The following IL1RAPL2 variants were observed in gnomAD, a reference collection of about 807,000 sequenced individuals.
IL1RAPL2 encodes X-linked interleukin-1 receptor accessory protein-like 2.
In IL1RAPL2, 3 loss-of-function variants were observed where a neutral mutation model predicts 44.1. That is an observed-to-expected ratio of 0.07 (90% CI 0.03 to 0.18). IL1RAPL2 has a LOEUF of 0.18. Among genes scored for constraint, IL1RAPL2 ranks in the 10% least tolerant of loss-of-function variants. The pLI, the probability that IL1RAPL2 is intolerant of heterozygous loss-of-function variation, is 1.00. For missense variants in IL1RAPL2, 391 were observed against 496.4 expected, an observed-to-expected ratio of 0.79 and a Z score of 2.02; for synonymous variants, 181 against 178.8, an observed-to-expected ratio of 1.01 and a Z score of -0.10.
chrX:105,486,734 A>ATATCTATCTATCTATC (rs34493388), intron 6 of IL1RAPL2, among the ~76,000 whole-genome samples: 6,697 of 103,827 alleles, frequency 0.065, 630 homozygotes, highest in African/African-American at 0.23. Context: ...CTATATATCT[A>ATATCTATCTATCTATC]TATCTATCTA....
At chrX:105,746,963 A>G (rs2038548353) in intron 8 of IL1RAPL2, among the ~76,000 whole-genome samples, 1 of 111,928 alleles carries the variant, frequency 8.9e-6, no homozygotes, top group South Asian at 3.7e-4. Flanking sequence ...TCAGAGTAAC[A>G]AAGAAAACTG....
At chrX:105,512,293 G>C (rs1037375364) in intron 6 of IL1RAPL2, among the ~76,000 whole-genome samples, 9 of 111,669 alleles carry the variant, frequency 8.1e-5, no homozygotes, top group Admixed American at 2.9e-4. Flanking sequence ...GGTGAATTCT[G>C]TTCCAACAGA....
rs1183126616 is a variant in IL1RAPL2, at chrX:105,713,261, C to T, written c.773-4106C>T. ...ATCAGGGCTCTGACCCCACATTTCC[C>T]TTCCACACTGCTCTAACAGAGGTTC... On this transcript the variant is annotated intron_variant, in intron 6 of 10. Coordinates refer to ENST00000372582, the MANE Select transcript of IL1RAPL2 (RefSeq NM_017416.2). Among the ~76,000 whole-genome samples the T allele has an allele frequency of 2.7e-5, 3 of 111,787 alleles. No individual in the cohort carries two copies. In the Admixed American group the frequency reaches 2.8e-4, roughly 11 times the overall value.
At chrX:104,900,683 T>G (rs1022834154) in intron 2 of IL1RAPL2, among the ~76,000 whole-genome samples, 5 of 112,256 alleles carry the variant, frequency 4.5e-5, no homozygotes, top group African/African-American at 1.6e-4. Flanking sequence ...CTCATGGTGA[T>G]GGCAACATTG....
intron 5 of IL1RAPL2, among the ~76,000 whole-genome samples, chrX:105,433,103 C>T (rs961113884): frequency 2.7e-5 from 3 of 110,679 alleles, no homozygotes; most frequent in African/African-American, 9.8e-5. Context: ...CCATGTAGTT[C>T]AAAGTTTAAT....
At chrX:104,632,242 T>C (rs1929667886) in intron 1 of IL1RAPL2, among the ~76,000 whole-genome samples, 1 of 111,931 alleles carries the variant, frequency 8.9e-6, no homozygotes, top group Admixed American at 9.5e-5. Context: ...TTGCTTACCA[T>C]AGCCTTGTAG....
At chrX:104,710,395 C>T (rs1602691399) in intron 2 of IL1RAPL2, among the ~76,000 whole-genome samples, 1 of 111,102 alleles carries the variant, frequency 9.0e-6, no homozygotes, top group East Asian at 2.8e-4. Context: ...ATTGTGTAAT[C>T]CACTTATATG....
chrX:104,908,734 A>G (rs1341041981), intron 2 of IL1RAPL2, among the ~76,000 whole-genome samples: 1 of 109,166 alleles, frequency 9.2e-6, no homozygotes, highest in African/African-American at 3.3e-5. Flanking sequence ...GCTGCCCTTA[A>G]CATTTTTTCC....
At chrX:105,403,222 A>AT (rs920564894) in intron 5 of IL1RAPL2, among the ~76,000 whole-genome samples, 1 of 111,244 alleles carries the variant, frequency 9.0e-6, no homozygotes, top group Non-Finnish European at 1.9e-5. Flanking sequence ...GAATAGCATC[A>AT]TTTTTTTTAA....
intron 5 of IL1RAPL2, among the ~76,000 whole-genome samples, chrX:105,337,186 T>C (rs1208367521): frequency 1.8e-5 from 2 of 112,323 alleles, no homozygotes; most frequent in African/African-American, 6.5e-5. Context: ...AGTTAGGCAG[T>C]ATCTTGAATT....
chrX:105,081,680 T>C (rs1368174799), intron 2 of IL1RAPL2, among the ~76,000 whole-genome samples: 1 of 111,784 alleles, frequency 8.9e-6, no homozygotes, highest in Non-Finnish European at 1.9e-5. Flanking sequence ...ATGTTTAGTG[T>C]GAAGGGCTGT....
At chrX:105,387,566 C>G (rs1377975956) in intron 5 of IL1RAPL2, among the ~76,000 whole-genome samples, 1 of 111,151 alleles carries the variant, frequency 9.0e-6, no homozygotes, top group Non-Finnish European at 1.9e-5. Context: ...ATGTATCTAA[C>G]TTAATGATTA....
chrX:104,789,923 G>C (rs955891793), intron 2 of IL1RAPL2, among the ~76,000 whole-genome samples: 2 of 111,898 alleles, frequency 1.8e-5, no homozygotes, highest in East Asian at 2.8e-4. Flanking sequence ...ATTGCCTTCT[G>C]TTCCAGCCCA....
intron 1 of IL1RAPL2, among the ~76,000 whole-genome samples, chrX:104,635,551 C>CT (rs1328564343): frequency 1.0e-3 from 114 of 111,566 alleles, no homozygotes; most frequent in African/African-American, 3.5e-3. Flanking sequence ...TCTTTTTATT[C>CT]TTTTTTCTCT....
chrX:104,679,690 T>C lies in IL1RAPL2; in HGVS notation c.82+20695T>C, dbSNP rs186623893. ...TTGGATTTGGTGCCCTTTTTGCTGC[T>C]CTTGGTAAGAGCTTTGTCTGCCATT... is the stretch of plus-strand genomic sequence containing the variant. On this transcript the variant is annotated intron_variant, in intron 2 of 10. Transcript: ENST00000372582. Among the ~76,000 whole-genome samples, 41 of 112,017 alleles carry C rather than the reference T, an allele frequency of 3.7e-4. 1 individual carries two copies. The East Asian group carries it at 0.01, about 28-fold the overall frequency.
chrX:105,158,449 C>G (rs1408820408), intron 2 of IL1RAPL2, among the ~76,000 whole-genome samples: 2 of 112,448 alleles, frequency 1.8e-5, no homozygotes, highest in African/African-American at 6.5e-5. Context: ...TTACCTTTCC[C>G]TCATCTACTC....
intron 2 of IL1RAPL2, among the ~76,000 whole-genome samples, chrX:104,793,526 T>C (rs933150731): frequency 8.9e-6 from 1 of 112,318 alleles, no homozygotes; most frequent in Non-Finnish European, 1.9e-5. Context: ...GTTTTTCTCA[T>C]GATAATTGGG....
At chrX:104,929,458 G>A (rs1313962088) in intron 2 of IL1RAPL2, among the ~76,000 whole-genome samples, 3 of 111,661 alleles carry the variant, frequency 2.7e-5, no homozygotes, top group South Asian at 3.8e-4. Flanking sequence ...AGCCCTCAGA[G>A]CTTTGCTTGC....
intron 2 of IL1RAPL2, among the ~76,000 whole-genome samples, chrX:104,885,268 T>C (rs1220538317): frequency 9.0e-6 from 1 of 111,540 alleles, no homozygotes; most frequent in East Asian, 2.8e-4. Flanking sequence ...CAGCAAGCCA[T>C]CCCCAGTATG....
Sources: gnomAD v4.1 joint callset for allele counts (sites outside exome capture counted in the v4.1 genomes callset) on GRCh38, gnomAD v4.1.1 for gene constraint, MANE v1.5 for transcripts, NCBI Gene and HGNC (gene_info 2026-07-23, HGNC 2026-07-21) for gene names.